The following PDE3A variants were observed in gnomAD, a reference collection of about 807,000 sequenced individuals.
The protein encoded by PDE3A is cGMP-inhibited 3',5'-cyclic phosphodiesterase 3A.
Under a neutral mutation model 98.3 loss-of-function variants are expected in PDE3A, and 43 were observed. That is an observed-to-expected ratio of 0.44 (90% confidence interval 0.34 to 0.56). The LOEUF is 0.56. Ranked by LOEUF, PDE3A falls within the 20% of genes least tolerant of loss-of-function variation. The pLI, the probability that PDE3A is intolerant of heterozygous loss-of-function variation, is 0.01. For missense variants in PDE3A, 1,427 were observed against 1,440.7 expected (o/e 0.99, Z 0.15); for synonymous variants, 663 against 567.9 (o/e 1.17, Z -2.38).
rs1942226883 is a variant in PDE3A at position 20,552,162 on chromosome 12, C to T, written c.961-4498C>T. ...ACACCAACAGGGCGCTGGCTCTCAA[C>T]TGCTTTGCTCCCATCAATGACCAAG... is the stretch of plus-strand genomic sequence containing the variant. On this transcript the variant is annotated intron_variant, in intron 1 of 15. Transcript: ENST00000359062. This position sits in a 1 kb window ranked among gnomAD's most constrained non-coding sequence, Gnocchi z 5.1. 6.2e-7 allele frequency: 1 copy of T among 1,613,762 alleles called. No homozygotes were observed. The highest frequency in any genetic ancestry group is 8.5e-7 in the Non-Finnish European group (1 of 1,179,900).
chr12:20,502,408 A>G (rs533974091), intron 1 of PDE3A, among the ~76,000 whole-genome samples: 11 of 152,302 alleles, frequency 7.2e-5, no homozygotes, highest in African/African-American at 2.2e-4. Context: ...AAACTCTTCT[A>G]CTAGGATATA....
At chr12:20,397,234 GTC>G (rs1944035196) in intron 1 of PDE3A, among the ~76,000 whole-genome samples, 1 of 151,950 alleles carries the variant, frequency 6.6e-6, no homozygotes, top group South Asian at 2.1e-4. Flanking sequence ...CAGTGAGCCT[GTC>G]TCTATATATG....
At chr12:20,592,370 G>A (rs1479447380) in intron 2 of PDE3A, among the ~76,000 whole-genome samples, 4 of 151,990 alleles carry the variant, frequency 2.6e-5, no homozygotes, top group Non-Finnish European at 5.9e-5. Flanking sequence ...TCATCCTGCA[G>A]TAAATAAAAG....
At chr12:20,653,034 A>T (rs765513636) in intron 14 of PDE3A, among the ~76,000 whole-genome samples, 1 of 152,192 alleles carries the variant, frequency 6.6e-6, no homozygotes, top group South Asian at 2.1e-4. Context: ...ATGTATAATA[A>T]TACCACTTCT....
intron 1 of PDE3A, among the ~76,000 whole-genome samples, chr12:20,439,460 T>G (rs1944832112): frequency 6.6e-6 from 1 of 152,208 alleles, no homozygotes; most frequent in African/African-American, 2.4e-5. Flanking sequence ...TCATTATTTC[T>G]TAATAGTCTT....
Position 20,417,165 on chromosome 12 carries a change from C to A in PDE3A, c.960+46921C>A, listed in dbSNP as rs6487083. On this transcript the variant is annotated intron_variant, in intron 1 of 15. Coordinates refer to ENST00000359062, the MANE Select transcript of PDE3A (RefSeq NM_000921.5). ...TTTAACCTTATCCCTGTACTTGATA[C>A]ATCATTAGTTAGCAGAGTTATTTAT... Among the ~76,000 whole-genome samples, 260 of 152,066 alleles carry A rather than the reference C, an allele frequency of 1.7e-3. 4 individuals carry two copies. Among genetic ancestry groups the A allele is most frequent in the African/African-American group, 6.2e-3 (258 of 41,460 alleles).
In PDE3A at chr12:20,682,475, A is replaced by G. The variant is rs1945817072; in HGVS notation, c.*2204A>G. 6.6e-6 allele frequency: 1 copy of G among 152,218 alleles called. No individual in the cohort carries two copies. Among genetic ancestry groups the G allele is most frequent in the African/African-American group, 2.4e-5 (1 of 41,460 alleles). The allele number at this position is 152,218 out of a possible 1,614,324, so 9.4% of individuals were successfully genotyped here. Reference sequence around the variant, plus strand: ...GCAAAGATAATACGACAAAAAATATACATGGTTTCAAGGCAAATTCTCCAA... The same window carrying G: ...GCAAAGATAATACGACAAAAAATATGCATGGTTTCAAGGCAAATTCTCCAA... On this transcript the variant is annotated 3_prime_UTR_variant, in exon 16 of 16. Coordinates refer to ENST00000359062, the MANE Select transcript of PDE3A (RefSeq NM_000921.5).
rs373727729 is a variant in PDE3A, at chr12:20,543,260, G to T, written c.961-13400G>T. On this transcript the variant is annotated intron_variant, in intron 1 of 15. Transcript: ENST00000359062. Reference sequence around the variant, plus strand: ...TGGAGTAAGTTTATTTGGTTTGTTTGTTTTTTTTTTAAACAGGCCTAACTA... The same window carrying T: ...TGGAGTAAGTTTATTTGGTTTGTTTTTTTTTTTTTTAAACAGGCCTAACTA... Among the ~76,000 whole-genome samples the T allele has an allele frequency of 1.2e-3, 175 of 148,728 alleles. 4 individuals carry two copies. The East Asian group carries it at 0.029, about 25-fold the overall frequency.
At chr12:20,672,603 A>T (rs1945515994) in intron 15 of PDE3A, among the ~76,000 whole-genome samples, 1 of 143,026 alleles carries the variant, frequency 7.0e-6, no homozygotes, top group African/African-American at 2.6e-5. Context: ...TGGGGAAAGG[A>T]TTCCCTATTT....
chr12:20,403,619 A>G (rs1944173909), intron 1 of PDE3A, among the ~76,000 whole-genome samples: 2 of 152,214 alleles, frequency 1.3e-5, no homozygotes, highest in Admixed American at 6.5e-5. Flanking sequence ...TCTTAAAGAG[A>G]ATGAAGTCAT....
chr12:20,674,172 C>T (rs544270258), intron 15 of PDE3A, among the ~76,000 whole-genome samples: 1 of 151,892 alleles, frequency 6.6e-6, no homozygotes, highest in Non-Finnish European at 1.5e-5. Flanking sequence ...ATTTTTGTAT[C>T]CTGCAACTTT....
intron 2 of PDE3A, among the ~76,000 whole-genome samples, chr12:20,600,616 T>C (rs1326531444): frequency 6.6e-6 from 1 of 152,198 alleles, no homozygotes; most frequent in Non-Finnish European, 1.5e-5. Context: ...AATCCTTTGC[T>C]TACTCTTTTC....
intron 1 of PDE3A, among the ~76,000 whole-genome samples, chr12:20,370,775 T>C (rs1565527683): frequency 6.6e-6 from 1 of 152,326 alleles, no homozygotes; most frequent in Non-Finnish European, 1.5e-5. Context: ...AGGTGAGGAA[T>C]TGATACACAT....
intron 15 of PDE3A, among the ~76,000 whole-genome samples, chr12:20,671,590 G>A (rs1945483813): frequency 6.6e-6 from 1 of 151,296 alleles, no homozygotes. Context: ...CAGAGCCAAA[G>A]ACAAAAACCA....
Position 20,551,759 on chromosome 12 carries a change from TGAGA to T in PDE3A, c.961-4895_961-4892del, listed in dbSNP as rs1942208506. 2.5e-6 allele frequency: 4 copies of T among 1,612,900 alleles called. No homozygotes were observed. The Admixed American group carries it at 5.0e-5, about 20-fold the overall frequency. ...GAGGTGGTACTGGCGGGAGAGCGGC[TGAGA>T]GAGAGCAAGAAGAAGGCGAAGATGG... On this transcript the variant is annotated intron_variant, in intron 1 of 15. Transcript: ENST00000359062.
chr12:20,652,454 T>C (rs10770685), intron 14 of PDE3A, among the ~76,000 whole-genome samples: 104,082 of 151,874 alleles, frequency 0.69, 35,964 homozygotes, highest in East Asian at 0.79. Flanking sequence ...TTTTAATGAT[T>C]GCCATTCTAA....
Position 20,369,339 on chromosome 12 carries a change from G to A in PDE3A, c.55G>A (p.Val19Met), listed in dbSNP as rs1232489300. The change falls in exon 1 of 16, where the codon GTG becomes ATG. Residue 19 changes from valine (V) to methionine (M), a missense_variant. Val to Met is a conservative substitution (Grantham distance 21). Around this residue, in one of 3 missense-constraint regions of PDE3A, gnomAD observed 1,012 missense variants for 886.5 expected, o/e 1.14. Coordinates refer to ENST00000359062, the MANE Select transcript of PDE3A (RefSeq NM_000921.5). The stretch of plus-strand genomic sequence containing the variant: ...CAGGGACAAGCCCGTCCACAGTGGG[G>A]TGAGTCAAGCCCCCACGGCGGGCCG... The part of the protein sequence containing the change: ...RVRDKPVHSG[V>M]SQAPTAGRDC... The A allele has an allele frequency of 6.5e-7, 1 of 1,548,464 alleles. No individual in the cohort carries two copies. Among genetic ancestry groups the A allele is most frequent in the East Asian group, 2.4e-5 (1 of 40,834 alleles).
chr12:20,385,121 T>C (rs756952518), intron 1 of PDE3A, among the ~76,000 whole-genome samples: 6 of 151,196 alleles, frequency 4.0e-5, no homozygotes, highest in Non-Finnish European at 8.8e-5. Flanking sequence ...TCTTCCACAA[T>C]GGTTGAGCCA....
In PDE3A at chr12:20,687,057, G is replaced by T. The variant is rs1406325629; in HGVS notation, c.*6786G>T. Reference sequence around the variant, plus strand: ...TAGCCCTTGAATTAGTTTGAAAACTGCTACTTGAATAACTTTTGAAGAGAA... The same window carrying T: ...TAGCCCTTGAATTAGTTTGAAAACTTCTACTTGAATAACTTTTGAAGAGAA... On this transcript the variant is annotated 3_prime_UTR_variant, in exon 16 of 16. Transcript: ENST00000359062. Among the ~76,000 whole-genome samples the T allele has an allele frequency of 6.6e-6, 1 of 152,038 alleles. No individual in the cohort carries two copies. Among genetic ancestry groups the T allele is most frequent in the Non-Finnish European group, 1.5e-5 (1 of 67,988 alleles).
Sources: gnomAD v4.1 joint callset for allele counts (sites outside exome capture counted in the v4.1 genomes callset) on GRCh38, gnomAD v4.1.1 for gene constraint, gnomAD v4.1.1 regional missense constraint, Gnocchi (gnomAD v3.1) non-coding constraint, MANE v1.5 for transcripts, NCBI Gene and HGNC (gene_info 2026-07-23, HGNC 2026-07-21) for gene names.